Variants in DNAJC5 observed in about 807,000 individuals in gnomAD.
DNAJC5 encodes DnaJ heat shock protein family (Hsp40) member C5.
A neutral mutation model predicts 23.2 loss-of-function variants in DNAJC5; 1 was observed. That is an observed-to-expected ratio of 0.04 (90% CI 0.02 to 0.20). The LOEUF (loss-of-function observed/expected upper bound fraction) is 0.20. Ranked by LOEUF, DNAJC5 falls within the 10% of genes least tolerant of loss-of-function variation. The pLI is 1.00. For missense variants in DNAJC5, 180 were observed against 267.0 expected (o/e 0.67, Z 2.27); for synonymous variants, 136 against 120.0 (o/e 1.13, Z -0.87).
At chr20:63,910,225 T>C (rs762570286) in intron 1 of DNAJC5, among the ~76,000 whole-genome samples, 51 of 152,204 alleles carry the variant, frequency 3.4e-4, no homozygotes, top group Non-Finnish European at 6.2e-4. Context: ...ACCTGGACTT[T>C]TTGTCTGCTG....
intron 1 of DNAJC5, among the ~76,000 whole-genome samples, chr20:63,914,622 T>G (rs1162084668): frequency 2.0e-5 from 3 of 147,452 alleles, no homozygotes; most frequent in Admixed American, 2.0e-4. Context: ...CGGCCTTTTT[T>G]TTTTTTTTTG....
In DNAJC5 at chr20:63,928,194, C is replaced by G; in HGVS notation, c.-11-141C>G. 1 of 697,262 alleles carries G rather than the reference C, an allele frequency of 1.4e-6. No homozygotes were observed. Among genetic ancestry groups the G allele is most frequent in the Non-Finnish European group, 2.6e-6 (1 of 391,430 alleles). 43.2% of individuals were successfully genotyped at this position (697,262 alleles called of 1,614,324 possible). A position where few individuals can be genotyped will look rare whatever the true frequency, so the allele number is the denominator to read the frequency against. ...CTCACACTTCTCCATGCCATGGCGTCTGTCTGTGCACGTGGCAAACTCCAC... is the reference window on the plus strand; with the variant it reads ...CTCACACTTCTCCATGCCATGGCGTGTGTCTGTGCACGTGGCAAACTCCAC... On this transcript the variant is annotated intron_variant, in intron 1 of 4. Transcript: ENST00000360864. The surrounding 1 kb of genome is among the most constrained non-coding windows in gnomAD (Gnocchi z 4.6).
intron 1 of DNAJC5, among the ~76,000 whole-genome samples, chr20:63,912,284 C>G (rs1298653005): frequency 7.3e-6 from 1 of 136,518 alleles, no homozygotes; most frequent in African/African-American, 2.8e-5. Context: ...GCGTGGGCGA[C>G]AGAGTGAGAA....
At chr20:63,921,465 C>T (rs903422021) in intron 1 of DNAJC5, among the ~76,000 whole-genome samples, 2 of 151,870 alleles carry the variant, frequency 1.3e-5, no homozygotes, top group Non-Finnish European at 2.9e-5. Context: ...GTGGCGGGTG[C>T]CTGTAGTCCC....
At chr20:63,903,410 C>T (rs746529738) in intron 1 of DNAJC5, among the ~76,000 whole-genome samples, 2 of 152,120 alleles carry the variant, frequency 1.3e-5, no homozygotes, top group African/African-American at 2.4e-5. Flanking sequence ...TGGGTTCAAG[C>T]GATTCTCCTG....
intron 1 of DNAJC5, among the ~76,000 whole-genome samples, chr20:63,925,504 G>A (rs1353653995): frequency 6.6e-6 from 1 of 150,784 alleles, no homozygotes; most frequent in African/African-American, 2.4e-5. Context: ...ATTAGGAAAG[G>A]GTAGGTATGT....
intron 1 of DNAJC5, among the ~76,000 whole-genome samples, chr20:63,900,528 G>A (rs1424690789): frequency 7.8e-6 from 1 of 127,628 alleles, no homozygotes; most frequent in African/African-American, 3.0e-5. Flanking sequence ...AGCAAGCCAT[G>A]ATTGCTCCAC....
rs137953881 is a variant in DNAJC5, at chr20:63,922,570, A to G, written c.-11-5765A>G. 4.1e-3 allele frequency among the ~76,000 whole-genome samples: 619 copies of G among 152,104 alleles called. 6 individuals are homozygous for G. Among genetic ancestry groups the G allele is most frequent in the African/African-American group, 0.012 (495 of 41,494 alleles). ...GAGGATCACTTGAGCCAAGGAATTC[A>G]AGATCAGCCTGAGCAACATAGACCC... On this transcript the variant is annotated intron_variant, in intron 1 of 4. Coordinates refer to ENST00000360864, the MANE Select transcript of DNAJC5 (RefSeq NM_025219.3).
chr20:63,914,987 CTCAAAATGGA>C (rs1398730432), intron 1 of DNAJC5, among the ~76,000 whole-genome samples: 11 of 152,154 alleles, frequency 7.2e-5, no homozygotes, highest in Non-Finnish European at 1.0e-4. Context: ...ATAAAGAACG[CTCAAAATGGA>C]GCAAAATGGA....
intron 1 of DNAJC5, among the ~76,000 whole-genome samples, chr20:63,913,273 C>T (rs2053494966): frequency 6.6e-6 from 1 of 152,200 alleles, no homozygotes; most frequent in Non-Finnish European, 1.5e-5. Context: ...CCACTCCCTG[C>T]AGTCCGCAGC....
intron 1 of DNAJC5, among the ~76,000 whole-genome samples, chr20:63,899,971 C>T (rs1166954987): frequency 2.6e-5 from 4 of 151,226 alleles, no homozygotes; most frequent in Admixed American, 2.6e-4. Flanking sequence ...TCATGGCAAC[C>T]TCTGCCTCCT....
At chr20:63,917,951 T>C (rs1290223572) in intron 1 of DNAJC5, among the ~76,000 whole-genome samples, 1 of 152,190 alleles carries the variant, frequency 6.6e-6, no homozygotes, top group Non-Finnish European at 1.5e-5. Flanking sequence ...GCTGTGACGG[T>C]CGCCCACTCC....
intron 1 of DNAJC5, among the ~76,000 whole-genome samples, chr20:63,899,364 T>G (rs962554284): frequency 2.0e-5 from 3 of 152,212 alleles, no homozygotes; most frequent in Non-Finnish European, 4.4e-5. Flanking sequence ...AGGATTAGAT[T>G]ACCCAACAAC....
At chr20:63,896,996 G>A (rs1329113043) in intron 1 of DNAJC5, among the ~76,000 whole-genome samples, 1 of 152,170 alleles carries the variant, frequency 6.6e-6, no homozygotes, top group Non-Finnish European at 1.5e-5. Context: ...GCCCAATGAG[G>A]AAAGACAGCC....
At chr20:63,919,639 G>A (rs111974421) in intron 1 of DNAJC5, 16 of 255,866 alleles carry the variant, frequency 6.3e-5, no homozygotes, top group East Asian at 3.7e-4. Flanking sequence ...CCCAGGGCCC[G>A]GGACAGCGCC....
intron 1 of DNAJC5, among the ~76,000 whole-genome samples, chr20:63,911,130 A>G (rs1484548116): frequency 6.6e-6 from 1 of 152,244 alleles, no homozygotes; most frequent in Non-Finnish European, 1.5e-5. Flanking sequence ...TAATGCAGCA[A>G]ACATTCACTG....
In DNAJC5 at chr20:63,931,069, G is replaced by C. The variant is rs768181415; in HGVS notation, c.493+47G>C. The stretch of plus-strand genomic sequence containing the variant: ...CGTGTGTGTGTGTGGGGCAGAGCCA[G>C]AATGGGCCCTGAATGGTGTCAACCT... On this transcript the variant is annotated intron_variant, in intron 4 of 4. Coordinates refer to ENST00000360864, the MANE Select transcript of DNAJC5 (RefSeq NM_025219.3). This position sits in a 1 kb window ranked among gnomAD's most constrained non-coding sequence, Gnocchi z 9.6. 1.3e-5 allele frequency: 20 copies of C among 1,591,072 alleles called. No individual in the cohort carries two copies. The highest frequency in any genetic ancestry group is 1.6e-5 in the Non-Finnish European group (19 of 1,162,494).
At position 63,912,668 on chromosome 20, in the gene DNAJC5, C is replaced by T. The variant is rs537844790; in HGVS notation, c.-11-15667C>T. Among the ~76,000 whole-genome samples, 5 of 152,204 alleles carry T rather than the reference C, an allele frequency of 3.3e-5. No individual in the cohort carries two copies. In the South Asian group the frequency reaches 8.3e-4, roughly 25 times the overall value. The stretch of plus-strand genomic sequence containing the variant: ...CAGGCTGCAGGCTGGAGTGCAGTGG[C>T]GTGATCTCAGCTCACTGCAACCTCC... On this transcript the variant is annotated intron_variant, in intron 1 of 4. Transcript: ENST00000360864.
rs2053650352 is a variant in DNAJC5, at chr20:63,929,769, T to TCTCTCCTGCCATGTGGGCA, written c.321+245_321+246insTCTCCTGCCATGTGGGCAC. ...CTCTCCTGCCATGTGGGCACCCGGG[T>TCTCTCCTGCCATGTGGGCA]CACTCCACGCCTGCAGGGTTCCCAG... is the stretch of plus-strand genomic sequence containing the variant. On this transcript the variant is annotated intron_variant, in intron 3 of 4. Coordinates refer to ENST00000360864, the MANE Select transcript of DNAJC5 (RefSeq NM_025219.3). This position sits in a 1 kb window ranked among gnomAD's most constrained non-coding sequence, Gnocchi z 8.6. Among the ~76,000 whole-genome samples, 1 of 151,850 alleles carries TCTCTCCTGCCATGTGGGCA rather than the reference T, an allele frequency of 6.6e-6. No homozygotes were observed. The highest frequency in any genetic ancestry group is 2.4e-5 in the African/African-American group (1 of 41,252).
Sources: allele counts gnomAD v4.1 joint callset (sites outside exome capture counted in the v4.1 genomes callset), GRCh38; gene constraint gnomAD v4.1.1; non-coding constraint Gnocchi (gnomAD v3.1); transcripts MANE v1.5; gene names NCBI Gene and HGNC (gene_info 2026-07-23, HGNC 2026-07-21).